The following HTT variants were observed in gnomAD, a reference collection of about 807,000 sequenced individuals.
HTT encodes the protein huntingtin, also known as huntington disease protein.
Under a neutral mutation model 362.3 loss-of-function variants are expected in HTT, and 104 were observed. The observed-to-expected ratio is 0.29, with a 90% CI of 0.24 to 0.34. The LOEUF (loss-of-function observed/expected upper bound fraction) is 0.34. HTT is among the 10% of genes least tolerant of loss of function. The pLI is 1.00. For synonymous variants in HTT, 1,577 were observed against 1,548.7 expected, an observed-to-expected ratio of 1.02 and a Z score of -0.43; for missense variants, 3,301 against 3,928.6, an observed-to-expected ratio of 0.84 and a Z score of 4.27.
intron 40 of HTT, among the ~76,000 whole-genome samples, chr4:3,194,108 A>G (rs1719140728): frequency 1.3e-5 from 2 of 152,198 alleles, no homozygotes; most frequent in Admixed American, 1.3e-4. Flanking sequence ...AAAATTGGTA[A>G]TATGTATTCA....
chr4:3,117,734 G>C (rs905657761), intron 8 of HTT, among the ~76,000 whole-genome samples: 1 of 152,128 alleles, frequency 6.6e-6, no homozygotes, highest in African/African-American at 2.4e-5. Flanking sequence ...TTGGGAGGCT[G>C]AGATGGGAGG....
Position 3,189,105 on chromosome 4 carries a change from A to G in HTT, c.5368+12A>G. On this transcript the variant is annotated intron_variant, in intron 40 of 66. Coordinates refer to ENST00000355072, the MANE Select transcript of HTT (RefSeq NM_001388492.1). ...CATCTTCAAGTCTGGTAGGTGAATC[A>G]CATTAGTCTTCCTGGAGTGTCTCGT... 6.2e-7 allele frequency: 1 copy of G among 1,613,590 alleles called. No individual in the cohort carries two copies. The highest frequency in any genetic ancestry group is 8.5e-7 in the Non-Finnish European group (1 of 1,179,560).
intron 57 of HTT, among the ~76,000 whole-genome samples, chr4:3,226,842 G>A (rs1215065404): frequency 1.3e-5 from 2 of 152,222 alleles, no homozygotes; most frequent in Non-Finnish European, 2.9e-5. Context: ...GTGCCTGCCG[G>A]TTTCAGTGAC....
rs1716066831 is a variant in HTT at position 3,136,395 on chromosome 4, G to A, written c.2798+69G>A. The A allele has an allele frequency of 7.7e-6, 6 of 781,894 alleles. No homozygotes were observed. The South Asian group carries it at 1.0e-4, about 13-fold the overall frequency. The allele number at this position is 781,894 out of a possible 1,614,324, so 48.4% of individuals were successfully genotyped here. A position where few individuals can be genotyped will look rare whatever the true frequency, so the allele number is the denominator to read the frequency against. On this transcript the variant is annotated intron_variant, in intron 21 of 66. Coordinates refer to ENST00000355072, the MANE Select transcript of HTT (RefSeq NM_001388492.1). ...ACTAAAAGATACGAGAATGGAAAGAGAGGGAAGAATTCAAAGGATGTAGAG... is the reference window on the plus strand; with the variant it reads ...ACTAAAAGATACGAGAATGGAAAGAAAGGGAAGAATTCAAAGGATGTAGAG...
chr4:3,094,343 ATCTC>A (rs1169818054), intron 2 of HTT, among the ~76,000 whole-genome samples: 1 of 152,142 alleles, frequency 6.6e-6, no homozygotes, highest in Non-Finnish European at 1.5e-5. Context: ...TAACAATCTG[ATCTC>A]TCTTTCTTTT....
intron 19 of HTT, among the ~76,000 whole-genome samples, chr4:3,135,003 T>C (rs376078224): frequency 8.5e-5 from 13 of 152,142 alleles, no homozygotes; most frequent in African/African-American, 2.7e-4. Flanking sequence ...ATTACAGGCA[T>C]GAGCCACTGT....
At chr4:3,181,023 T>C (rs892444167) in intron 36 of HTT, among the ~76,000 whole-genome samples, 1 of 151,898 alleles carries the variant, frequency 6.6e-6, no homozygotes, top group Non-Finnish European at 1.5e-5. Context: ...ATTACAGGCA[T>C]GCACCACCAT....
chr4:3,200,914 A>G (rs1474194158), intron 41 of HTT, among the ~76,000 whole-genome samples: 1 of 152,222 alleles, frequency 6.6e-6, no homozygotes, highest in African/African-American at 2.4e-5. Context: ...ACGTGCATAG[A>G]AATCAGCTGC....
intron 40 of HTT, among the ~76,000 whole-genome samples, chr4:3,191,467 C>T (rs891880086): frequency 4.6e-5 from 7 of 152,102 alleles, no homozygotes; most frequent in Admixed American, 3.9e-4. Context: ...CCACCGCACC[C>T]GGCCCGAGCT....
chr4:3,145,811 T>G (rs907394873), intron 24 of HTT, among the ~76,000 whole-genome samples: 2 of 152,198 alleles, frequency 1.3e-5, no homozygotes, highest in African/African-American at 4.8e-5. Context: ...CTTGTGTGTG[T>G]CAGCAAATGA....
intron 2 of HTT, among the ~76,000 whole-genome samples, chr4:3,089,560 CT>C (rs1371480525): frequency 6.6e-6 from 1 of 152,144 alleles, no homozygotes; most frequent in Non-Finnish European, 1.5e-5. Context: ...GCCATCTTTA[CT>C]TTTTTTGTGA....
Position 3,187,781 on chromosome 4 carries a change from C to T in HTT, c.5120C>T (p.Ser1707Phe). ...QELSFSPYLI[S>F]CTVINRLRDG... The stretch of plus-strand genomic sequence containing the variant: ...CTCTCCTTCTCTCCGTATTTAATCT[C>T]CTGTACAGTAATTAATAGGTTAAGA... The change falls in exon 39 of 67, where the codon TCC becomes TTC. Residue 1707 changes from serine to phenylalanine, a missense_variant. Ser to Phe is a radical substitution (Grantham distance 155). This residue lies in a region of HTT where 2,316 missense variants were observed against 2,658.5 expected (regional missense o/e 0.87). Transcript: ENST00000355072. 6.2e-7 allele frequency: 1 copy of T among 1,612,352 alleles called. No homozygotes were observed. The highest frequency in any genetic ancestry group is 8.5e-7 in the Non-Finnish European group (1 of 1,178,418).
At chr4:3,224,533 C>T (rs1250931426) in intron 56 of HTT, among the ~76,000 whole-genome samples, 4 of 152,202 alleles carry the variant, frequency 2.6e-5, no homozygotes, top group Admixed American at 6.5e-5. Flanking sequence ...CTGAGCACCC[C>T]GCTCCCTGCA....
intron 40 of HTT, among the ~76,000 whole-genome samples, chr4:3,195,506 C>G (rs902226513): frequency 1.3e-5 from 2 of 152,178 alleles, no homozygotes; most frequent in South Asian, 2.1e-4. Context: ...CTGTGCCACC[C>G]TTGTGATCCA....
At chr4:3,154,772 G>C (rs1309000186) in intron 27 of HTT, among the ~76,000 whole-genome samples, 1 of 152,012 alleles carries the variant, frequency 6.6e-6, no homozygotes, top group African/African-American at 2.4e-5. Context: ...CTTAGGAATA[G>C]ATGTAGTGAG....
intron 40 of HTT, among the ~76,000 whole-genome samples, chr4:3,192,633 T>G (rs1166322546): frequency 6.6e-6 from 1 of 152,198 alleles, no homozygotes; most frequent in African/African-American, 2.4e-5. Context: ...CAGTAACTGA[T>G]GGTCTGCTGC....
intron 47 of HTT, among the ~76,000 whole-genome samples, chr4:3,210,191 A>C (rs1302079000): frequency 6.6e-6 from 1 of 152,172 alleles, no homozygotes; most frequent in Non-Finnish European, 1.5e-5. Context: ...ACATTGTTTC[A>C]GCCACATTAG....
At chr4:3,233,134 T>C (rs1362314234) in intron 60 of HTT, 29 bp from the exon 61 acceptor site, 1 of 1,554,234 alleles carries the variant, frequency 6.4e-7, no homozygotes, top group Non-Finnish European at 8.8e-7. Flanking sequence ...TCTGGTGGCA[T>C]GCAGCAGCTT....
Position 3,124,900 on chromosome 4 carries a change from T to C in HTT, c.1322-649T>C, listed in dbSNP as rs148507732. Reference sequence around the variant, plus strand: ...AGTGTCATTTAATGACACTCACATGTGATGTAGCCACAAAGATTTAATGAG... The same window carrying C: ...AGTGTCATTTAATGACACTCACATGCGATGTAGCCACAAAGATTTAATGAG... On this transcript the variant is annotated intron_variant, in intron 10 of 66. Coordinates refer to ENST00000355072, the MANE Select transcript of HTT (RefSeq NM_001388492.1). Among the ~76,000 whole-genome samples, 256 of 152,332 alleles carry C rather than the reference T, an allele frequency of 1.7e-3. 2 individuals are homozygous for C. The highest frequency in any genetic ancestry group is 3.0e-3 in the Admixed American group (46 of 15,298).
Sources: allele counts gnomAD v4.1 joint callset (sites outside exome capture counted in the v4.1 genomes callset), GRCh38; gene constraint gnomAD v4.1.1; regional missense constraint gnomAD v4.1.1; transcripts MANE v1.5; gene names NCBI Gene and HGNC (gene_info 2026-07-23, HGNC 2026-07-21).